Variants in ANO5 observed in about 807,000 individuals in gnomAD.
The protein encoded by ANO5 is anoctamin 5.
ANO5 carries 109 observed loss-of-function variants against 121.0 expected under a neutral mutation model. The observed-to-expected ratio is 0.90, with a 90% CI of 0.77 to 1.06. The LOEUF is 1.06. Among genes scored for constraint, ANO5 ranks in the 50% least tolerant of loss-of-function variants. The pLI, the probability that ANO5 is intolerant of heterozygous loss-of-function variation, is 0.00. For missense variants in ANO5, 1,064 were observed against 1,078.5 expected (o/e 0.99, Z 0.19); for synonymous variants, 406 against 359.9 (o/e 1.13, Z -1.45).
intron 3 of ANO5, among the ~76,000 whole-genome samples, chr11:22,214,293 C>A (rs1852372562): frequency 6.6e-6 from 1 of 151,872 alleles, no homozygotes; most frequent in African/African-American, 2.4e-5. Flanking sequence ...TTCTTTCTGA[C>A]TAGATGCTCC....
At chr11:22,202,702 C>G (rs1046867080) in intron 1 of ANO5, among the ~76,000 whole-genome samples, 3 of 152,130 alleles carry the variant, frequency 2.0e-5, no homozygotes, top group Non-Finnish European at 4.4e-5. Context: ...TTCATAAGAG[C>G]TCTGCACCAT....
At chr11:22,201,542 T>G (rs1851963911) in intron 1 of ANO5, among the ~76,000 whole-genome samples, 1 of 152,054 alleles carries the variant, frequency 6.6e-6, no homozygotes, top group East Asian at 1.9e-4. Context: ...TTCCCTTTTG[T>G]GCTGTTATAA....
intron 2 of ANO5, among the ~76,000 whole-genome samples, chr11:22,209,641 A>G (rs1434420205): frequency 1.3e-5 from 2 of 151,946 alleles, no homozygotes; most frequent in Non-Finnish European, 1.5e-5. Context: ...CTAGAAGTAC[A>G]TCAAGGATTC....
chr11:22,269,152 G>A (rs1043348370), intron 17 of ANO5, among the ~76,000 whole-genome samples: 1 of 148,670 alleles, frequency 6.7e-6, no homozygotes, highest in East Asian at 2.0e-4. Context: ...AGAAAGGAAA[G>A]GAAAGGGAAG....
intron 1 of ANO5, among the ~76,000 whole-genome samples, chr11:22,195,214 A>G (rs905480509): frequency 6.6e-6 from 1 of 152,148 alleles, no homozygotes; most frequent in African/African-American, 2.4e-5. Flanking sequence ...TATACTTATT[A>G]GTTATTCACG....
Position 22,193,251 on chromosome 11 carries a change from G to T in ANO5, c.-242G>T. On this transcript the variant is annotated 5_prime_UTR_variant, in exon 1 of 22. Coordinates refer to ENST00000324559, the MANE Select transcript of ANO5 (RefSeq NM_213599.3). Reference sequence around the variant, plus strand: ...CGCGCGAAGCAGGTTGTGGGGGACCGGGTCGAGTGGAAGTACCCGCCGGAG... The same window carrying T: ...CGCGCGAAGCAGGTTGTGGGGGACCTGGTCGAGTGGAAGTACCCGCCGGAG... 8.8e-7 allele frequency: 1 copy of T among 1,139,424 alleles called. No individual in the cohort carries two copies. Among genetic ancestry groups the T allele is most frequent in the Admixed American group, 4.0e-5 (1 of 24,832 alleles). The allele number at this position is 1,139,424 out of a possible 1,614,324, so 70.6% of individuals were successfully genotyped here. A position where few individuals can be genotyped will look rare whatever the true frequency, so the allele number is the denominator to read the frequency against.
intron 12 of ANO5, 125 bp downstream of exon 12, chr11:22,251,136 T>G (rs1221794434): frequency 5.0e-6 from 5 of 991,022 alleles, no homozygotes; most frequent in Middle Eastern, 3.0e-4. Flanking sequence ...TGTGTCTTTG[T>G]TAGCATTAAT....
chr11:22,227,203 G>A, intron 6 of ANO5, 99 bp from the exon 7 acceptor site: 1 of 1,471,156 alleles, frequency 6.8e-7, no homozygotes, highest in Non-Finnish European at 9.3e-7. Context: ...ATGCTTTGAT[G>A]TGTTTGAGAT....
chr11:22,211,258 T>G lies in ANO5; in HGVS notation c.88-6T>G. On this transcript the variant is annotated splice_polypyrimidine_tract_variant and splice_region_variant and intron_variant, in intron 2 of 21. Coordinates refer to ENST00000324559, the MANE Select transcript of ANO5 (RefSeq NM_213599.3). ...ATAGCATTATATCTTCCCCTGGTAC[T>G]GTTAGCAGAGCCTGAGCAGCAGAGA... 2 of 1,611,952 alleles carry G rather than the reference T, an allele frequency of 1.2e-6. No homozygotes were observed. Among genetic ancestry groups the G allele is most frequent in the South Asian group, 2.2e-5 (2 of 91,060 alleles).
chr11:22,249,294 T>G, intron 9 of ANO5, among the ~76,000 whole-genome samples: 1 of 152,062 alleles, frequency 6.6e-6, no homozygotes. Flanking sequence ...TTTATAACCT[T>G]TATGTTCAGA....
chr11:22,226,193 G>A, intron 6 of ANO5, 141 bp downstream of exon 6: 1 of 687,218 alleles, frequency 1.5e-6, no homozygotes, highest in South Asian at 1.7e-5. Context: ...CGGGATGATA[G>A]GGCCTGTGGT....
chr11:22,226,304 T>C (rs1346966290), intron 6 of ANO5, among the ~76,000 whole-genome samples: 1 of 152,100 alleles, frequency 6.6e-6, no homozygotes, highest in East Asian at 1.9e-4. Flanking sequence ...AAAGAAGATG[T>C]GGACTTTTTA....
intron 12 of ANO5, among the ~76,000 whole-genome samples, chr11:22,251,512 C>T (rs1183485776): frequency 6.6e-6 from 1 of 152,106 alleles, no homozygotes; most frequent in Admixed American, 6.6e-5. Flanking sequence ...ATGCCCTGCC[C>T]AGGACTTCAT....
intron 1 of ANO5, among the ~76,000 whole-genome samples, chr11:22,202,763 T>C (rs1852002453): frequency 1.3e-5 from 2 of 152,182 alleles, no homozygotes; most frequent in Non-Finnish European, 2.9e-5. Flanking sequence ...TTTGGCTTTG[T>C]AGACACATCA....
intron 9 of ANO5, among the ~76,000 whole-genome samples, chr11:22,242,370 A>G (rs1853461164): frequency 6.6e-6 from 1 of 152,050 alleles, no homozygotes; most frequent in Non-Finnish European, 1.5e-5. Context: ...TGCTTTGGCT[A>G]TTTGGCCATT....
intron 5 of ANO5, among the ~76,000 whole-genome samples, chr11:22,224,153 G>C (rs1460159446): frequency 6.6e-6 from 1 of 151,782 alleles, no homozygotes; most frequent in African/African-American, 2.4e-5. Flanking sequence ...TATTATTAAA[G>C]TACCTCAGGG....
intron 20 of ANO5, 77 bp from the exon 21 acceptor site, chr11:22,276,014 TAAG>T (rs1304905124): frequency 7.3e-6 from 7 of 961,630 alleles, no homozygotes; most frequent in Non-Finnish European, 1.6e-6. Context: ...TTAAGAGAAA[TAAG>T]AAATTATGTG....
intron 9 of ANO5, among the ~76,000 whole-genome samples, chr11:22,248,879 A>G (rs1191048831): frequency 6.6e-6 from 1 of 152,040 alleles, no homozygotes; most frequent in East Asian, 1.9e-4. Flanking sequence ...TTTTTAAAAC[A>G]TTAAAAATAG....
At chr11:22,232,965 A>G (rs1853090650) in intron 7 of ANO5, among the ~76,000 whole-genome samples, 1 of 151,760 alleles carries the variant, frequency 6.6e-6, no homozygotes, top group East Asian at 1.9e-4. Flanking sequence ...ACACAGAACT[A>G]CTCTTTACCA....
Sources: allele counts gnomAD v4.1 joint callset (sites outside exome capture counted in the v4.1 genomes callset), GRCh38; gene constraint gnomAD v4.1.1; transcripts MANE v1.5; gene names NCBI Gene and HGNC (gene_info 2026-07-23, HGNC 2026-07-21).